Variants in TECPR1 observed in about 807,000 individuals in gnomAD.
The protein encoded by TECPR1 is tectonin beta-propeller repeat-containing protein 1.
Under a neutral mutation model 162.4 loss-of-function variants are expected in TECPR1, and 122 were observed. That is an observed-to-expected ratio of 0.75 (90% CI 0.65 to 0.87). The LOEUF is 0.87. Among genes scored for constraint, TECPR1 ranks in the 40% least tolerant of loss-of-function variants. The pLI, the probability that TECPR1 is intolerant of heterozygous loss-of-function variation, is 0.00. For synonymous variants in TECPR1, 642 were observed against 670.6 expected (o/e 0.96, Z 0.66); for missense variants, 1,432 against 1,618.2 (o/e 0.88, Z 1.97).
At position 98,215,229 on chromosome 7, in the gene TECPR1, C is replaced by G. The variant is rs1380984077; in HGVS notation, c.*2161G>C. The G allele has an allele frequency of 6.6e-6, 1 of 152,242 alleles. No homozygotes were observed. Among genetic ancestry groups the G allele is most frequent in the Non-Finnish European group, 1.5e-5 (1 of 68,048 alleles). The allele number at this position is 152,242 out of a possible 1,614,324, so 9.4% of individuals were successfully genotyped here. On this transcript the variant is annotated 3_prime_UTR_variant, in exon 26 of 26. Coordinates refer to ENST00000447648, the MANE Select transcript of TECPR1 (RefSeq NM_015395.3). Reference sequence around the variant, plus strand: ...AGGCGCCCTGAGAGCTCCGAAGGCGCGATCCCCATCCCCACCAGTGGAGAA... The same window carrying G: ...AGGCGCCCTGAGAGCTCCGAAGGCGGGATCCCCATCCCCACCAGTGGAGAA...
intron 15 of TECPR1, 66 bp from the exon 16 acceptor site, chr7:98,229,232 C>A: frequency 6.6e-7 from 1 of 1,516,768 alleles, no homozygotes; most frequent in South Asian, 1.2e-5. Flanking sequence ...GCCTGGCTGC[C>A]CTTTTGTTCC....
At chr7:98,233,976 C>G (rs1233832875) in intron 10 of TECPR1, 65 bp from the exon 11 acceptor site, 6 of 1,463,140 alleles carry the variant, frequency 4.1e-6, no homozygotes, top group Admixed American at 2.6e-5. Context: ...CAGGCAGGCC[C>G]AGCTCCAGCG....
chr7:98,234,919 G>T (rs183029266), intron 10 of TECPR1, among the ~76,000 whole-genome samples: 33 of 152,046 alleles, frequency 2.2e-4, no homozygotes, highest in African/African-American at 6.5e-4. Context: ...TCACTATGTT[G>T]TCCAGGCTGA....
intron 6 of TECPR1, 44 bp downstream of exon 6, chr7:98,243,423 G>T (rs1186236423): frequency 1.2e-6 from 2 of 1,608,364 alleles, no homozygotes; most frequent in Non-Finnish European, 1.7e-6. Context: ...CCCACAGGAG[G>T]TGGGATCGTG....
Position 98,246,108 on chromosome 7 carries a change from C to A in TECPR1, c.39G>T (p.Gly13=). Residue 13 remains glycine (G), a synonymous_variant, in exon 3 of 26, where the codon GGG becomes GGT. Transcript: ENST00000447648. ...NSVLWAVDLF[G]RVYTLSTAGQ... is the part of the protein sequence containing the mutation. Reference sequence around the variant, plus strand: ...CTGCTGTGGACAGCGTGTACACTCTCCCGAAGAGGTCCACCGCCCACAGCA... The same window carrying A: ...CTGCTGTGGACAGCGTGTACACTCTACCGAAGAGGTCCACCGCCCACAGCA... 6.4e-7 allele frequency: 1 copy of A among 1,554,720 alleles called. No homozygotes were observed.
rs567846256 is a variant in TECPR1 at position 98,217,226 on chromosome 7, G to A, written c.*164C>T. Reference sequence around the variant, plus strand: ...CCGCGGAGCTTCACATTTCAGGGCCGTCTCAGCCAGTGCCTCTGAAGTGGC... The same window carrying A: ...CCGCGGAGCTTCACATTTCAGGGCCATCTCAGCCAGTGCCTCTGAAGTGGC... On this transcript the variant is annotated 3_prime_UTR_variant, in exon 26 of 26. Coordinates refer to ENST00000447648, the MANE Select transcript of TECPR1 (RefSeq NM_015395.3). 426 of 594,548 alleles carry A rather than the reference G, an allele frequency of 7.2e-4. 7 individuals carry two copies. The highest frequency in any genetic ancestry group is 6.3e-3 in the South Asian group (309 of 49,304). The allele number at this position is 594,548 out of a possible 1,614,324, so 36.8% of individuals were successfully genotyped here.
At position 98,231,095 on chromosome 7, in the gene TECPR1, G is replaced by T; in HGVS notation, c.2148C>A (p.Cys716Ter). Residue 716 changes from cysteine (C) to a stop codon, truncating the protein, a stop_gained, in exon 15 of 26, where the codon TGC becomes TGA. Coordinates refer to ENST00000447648, the MANE Select transcript of TECPR1 (RefSeq NM_015395.3). LOFTEE classifies it high-confidence loss of function. ...NDWLALLSLS[C>*]CESRKVQGRP... ...GGCCCTGCACCTTCCGGCTCTCGCA[G>T]CAAGACAGGCTGAGCAGGGCGAGCT... 1 of 1,602,884 alleles carries T rather than the reference G, an allele frequency of 6.2e-7. No homozygotes were observed.
intron 9 of TECPR1, 102 bp downstream of exon 9, chr7:98,238,407 G>T: frequency 3.2e-6 from 3 of 925,314 alleles, no homozygotes; most frequent in Non-Finnish European, 5.2e-6. Flanking sequence ...TGGAGTGGGG[G>T]GCTCTCCTAC....
At chr7:98,235,122 C>G (rs1279431689) in intron 10 of TECPR1, among the ~76,000 whole-genome samples, 1 of 152,140 alleles carries the variant, frequency 6.6e-6, no homozygotes, top group Admixed American at 6.6e-5. Flanking sequence ...ATTGCCTGTG[C>G]TTTTGGTGTC....
rs955522394 is a variant in TECPR1, at chr7:98,215,601, G to A, written c.*1789C>T. On this transcript the variant is annotated 3_prime_UTR_variant, in exon 26 of 26. Coordinates refer to ENST00000447648, the MANE Select transcript of TECPR1 (RefSeq NM_015395.3). ...CTGGTGCTCAGCAGCGAGAGGACGC[G>A]TCACTCTGCCGTTCTGCAGGGTGAC... is the stretch of plus-strand genomic sequence containing the variant. The A allele has an allele frequency of 4.6e-5, 7 of 152,262 alleles. No homozygotes were observed. The highest frequency in any genetic ancestry group is 9.6e-5 in the African/African-American group (4 of 41,464). 9.4% of individuals were successfully genotyped at this position (152,262 alleles called of 1,614,324 possible). A position where few individuals can be genotyped will look rare whatever the true frequency, so the allele number is the denominator to read the frequency against.
At chr7:98,226,752 G>A (rs1190737101) in intron 17 of TECPR1, 1 of 821,570 alleles carries the variant, frequency 1.2e-6, no homozygotes, top group Admixed American at 2.4e-5. Flanking sequence ...TCACCAACAT[G>A]GTGAAATCCT....
intron 10 of TECPR1, 140 bp downstream of exon 10, chr7:98,236,636 G>A: frequency 8.7e-7 from 1 of 1,145,616 alleles, no homozygotes; most frequent in East Asian, 2.7e-5. Context: ...TGGCTTTTGT[G>A]AGTGGAGACC....
At chr7:98,245,150 G>T (rs1584358101) in intron 3 of TECPR1, 83 bp from the exon 4 acceptor site, 1 of 1,451,234 alleles carries the variant, frequency 6.9e-7, no homozygotes, top group East Asian at 2.5e-5. Flanking sequence ...TCCAGGACCA[G>T]CTGACCCTGC....
chr7:98,233,208 T>A, intron 11 of TECPR1: 1 of 796,494 alleles, frequency 1.3e-6, no homozygotes, highest in African/African-American at 1.7e-5. Context: ...GAAGGGGCAC[T>A]GGCCACCGTG....
chr7:98,218,441 G>A (rs1798071329), intron 23 of TECPR1, among the ~76,000 whole-genome samples: 1 of 152,194 alleles, frequency 6.6e-6, no homozygotes, highest in African/African-American at 2.4e-5. Flanking sequence ...GTGTCTGTTT[G>A]CCCATGATAG....
intron 21 of TECPR1, 158 bp from the exon 22 acceptor site, chr7:98,222,679 G>C: frequency 1.0e-6 from 1 of 981,092 alleles, no homozygotes; most frequent in East Asian, 2.6e-5. Context: ...CTCGGTGCTT[G>C]TTGAAATCCT....
chr7:98,222,399 G>C lies in TECPR1; in HGVS notation c.3051C>G (p.Pro1017=). 6.2e-7 allele frequency: 1 copy of C among 1,601,678 alleles called. No homozygotes were observed. Among genetic ancestry groups the C allele is most frequent in the Non-Finnish European group, 8.5e-7 (1 of 1,175,104 alleles). ...GSAFYRGSVY[P]SQPAGDCWYH... Reference sequence around the variant, plus strand: ...CGCGGCACTCACCGGCTGGCTGCGAGGGGTACACGGATCCCCGGTAGAAGG... The same window carrying C: ...CGCGGCACTCACCGGCTGGCTGCGACGGGTACACGGATCCCCGGTAGAAGG... Residue 1017 remains proline, a synonymous_variant, in exon 22 of 26, where the codon CCC becomes CCG. Coordinates refer to ENST00000447648, the MANE Select transcript of TECPR1 (RefSeq NM_015395.3).
chr7:98,250,439 G>A (rs1799035187), intron 2 of TECPR1, among the ~76,000 whole-genome samples: 1 of 151,912 alleles, frequency 6.6e-6, no homozygotes, highest in Non-Finnish European at 1.5e-5. Context: ...ACCAGCCTAA[G>A]CAACACAGGG....
chr7:98,235,391 G>A (rs1798567012), intron 10 of TECPR1, among the ~76,000 whole-genome samples: 2 of 152,192 alleles, frequency 1.3e-5, no homozygotes, highest in South Asian at 4.1e-4. Flanking sequence ...CAGGTGTGGT[G>A]GCGGGTGCCT....
Sources: gnomAD v4.1 joint callset for allele counts (sites outside exome capture counted in the v4.1 genomes callset) on GRCh38, gnomAD v4.1.1 for gene constraint, MANE v1.5 for transcripts, NCBI Gene and HGNC (gene_info 2026-07-23, HGNC 2026-07-21) for gene names.